NAALADL2: variants seen among roughly 807,000 people sequenced by gnomAD.
NAALADL2 encodes inactive N-acetylated-alpha-linked acidic dipeptidase-like protein 2.
NAALADL2 carries 76 observed loss-of-function variants against 87.2 expected under a neutral mutation model. The ratio of observed to expected loss-of-function variants is 0.87; its 90% CI spans 0.72 to 1.05. The LOEUF (loss-of-function observed/expected upper bound fraction) is 1.05. Among genes scored for constraint, NAALADL2 ranks in the 50% least tolerant of loss-of-function variants. NAALADL2 has a pLI of 0.00. For missense variants in NAALADL2, 1,089 were observed against 945.8 expected, an observed-to-expected ratio of 1.15 and a Z score of -1.99; for synonymous variants, 354 against 331.0, an observed-to-expected ratio of 1.07 and a Z score of -0.75.
chr3:174,521,793 A>G (rs1373430871), intron 1 of NAALADL2, among the ~76,000 whole-genome samples: 1 of 151,872 alleles, frequency 6.6e-6, no homozygotes, highest in Admixed American at 6.6e-5. Flanking sequence ...AGGGTGTAGA[A>G]GGAGAGGGGA....
At chr3:174,519,110 A>T (rs1191584874) in intron 1 of NAALADL2, among the ~76,000 whole-genome samples, 1 of 152,212 alleles carries the variant, frequency 6.6e-6, no homozygotes, top group Non-Finnish European at 1.5e-5. Flanking sequence ...GATATTAATG[A>T]GAGTTTTATT....
At chr3:175,180,707 C>T (rs956887401) in intron 2 of NAALADL2, among the ~76,000 whole-genome samples, 4 of 149,010 alleles carry the variant, frequency 2.7e-5, no homozygotes, top group African/African-American at 9.8e-5. Flanking sequence ...TCATAAATAT[C>T]ATTAGTTATT....
intron 3 of NAALADL2, among the ~76,000 whole-genome samples, chr3:175,239,702 A>C (rs1003441731): frequency 6.6e-6 from 1 of 152,204 alleles, no homozygotes; most frequent in African/African-American, 2.4e-5. Flanking sequence ...TTATGAAGAT[A>C]TGTGTCACTA....
At chr3:175,069,668 A>G (rs1022407860) in intron 1 of NAALADL2, among the ~76,000 whole-genome samples, 1 of 151,776 alleles carries the variant, frequency 6.6e-6, no homozygotes, top group Non-Finnish European at 1.5e-5. Flanking sequence ...CTGGGTATAT[A>G]CCCAAAGGAC....
At chr3:175,188,511 C>T (rs756569158) in intron 2 of NAALADL2, among the ~76,000 whole-genome samples, 8 of 152,062 alleles carry the variant, frequency 5.3e-5, no homozygotes, top group Non-Finnish European at 1.0e-4. Flanking sequence ...CCTTCTGGGG[C>T]CAAGCTAATG....
intron 1 of NAALADL2, among the ~76,000 whole-genome samples, chr3:174,862,996 C>T (rs6801386): frequency 0.31 from 47,453 of 151,960 alleles, 7,539 homozygotes; most frequent in East Asian, 0.42. Flanking sequence ...TAGATAGCAA[C>T]CAGCAGGAGA....
intron 2 of NAALADL2, among the ~76,000 whole-genome samples, chr3:175,159,212 AT>A (rs1311442961): frequency 1.3e-5 from 2 of 152,324 alleles, no homozygotes; most frequent in East Asian, 3.9e-4. Context: ...CAATGAAAAA[AT>A]CAGCCAATCA....
At chr3:175,780,383 G>A (rs1750883253) in intron 13 of NAALADL2, among the ~76,000 whole-genome samples, 1 of 151,982 alleles carries the variant, frequency 6.6e-6, no homozygotes, top group Middle Eastern at 3.4e-3. Flanking sequence ...AACAGTATGT[G>A]TATACGTATC....
At chr3:175,563,460 C>T (rs1467565224) in intron 9 of NAALADL2, among the ~76,000 whole-genome samples, 2 of 152,172 alleles carry the variant, frequency 1.3e-5, no homozygotes, top group African/African-American at 4.8e-5. Context: ...CTTCAAACTT[C>T]CTGCACTTTG....
At chr3:175,574,492 A>G (rs577209343) in intron 9 of NAALADL2, among the ~76,000 whole-genome samples, 3 of 152,130 alleles carry the variant, frequency 2.0e-5, no homozygotes, top group Non-Finnish European at 4.4e-5. Context: ...CTATGCCCCA[A>G]ACGAGAACTC....
At chr3:175,743,050 C>A (rs972099380) in intron 12 of NAALADL2, among the ~76,000 whole-genome samples, 6 of 151,320 alleles carry the variant, frequency 4.0e-5, no homozygotes, top group African/African-American at 4.9e-5. Context: ...GGCTGGAGTG[C>A]AGTGGTGCTG....
chr3:175,803,242 C>T lies in NAALADL2; in HGVS notation c.*39C>T, dbSNP rs1261657295. The T allele has an allele frequency of 1.4e-6, 2 of 1,479,526 alleles. No individual in the cohort carries two copies. Among genetic ancestry groups the T allele is most frequent in the African/African-American group, 2.8e-5 (2 of 71,650 alleles). The allele number at this position is 1,479,526 out of a possible 1,614,324, so 91.6% of individuals were successfully genotyped here. A position where few individuals can be genotyped will look rare whatever the true frequency, so the allele number is the denominator to read the frequency against. ...ATTTTTAAAAGTTTGTTTACAATTCCACAAGCAAAAGCTCTAATTTAACCA... is the reference window on the plus strand; with the variant it reads ...ATTTTTAAAAGTTTGTTTACAATTCTACAAGCAAAAGCTCTAATTTAACCA... On this transcript the variant is annotated 3_prime_UTR_variant, in exon 14 of 14. Transcript: ENST00000454872.
intron 2 of NAALADL2, among the ~76,000 whole-genome samples, chr3:174,583,683 T>C (rs563429839): frequency 2.6e-4 from 40 of 152,300 alleles, no homozygotes; most frequent in African/African-American, 9.4e-4. Context: ...GTTGTTTCTT[T>C]TCCTCTCCTT....
At chr3:175,713,648 C>T (rs1163551312) in intron 11 of NAALADL2, among the ~76,000 whole-genome samples, 1 of 152,112 alleles carries the variant, frequency 6.6e-6, no homozygotes, top group Non-Finnish European at 1.5e-5. Flanking sequence ...TTCTATCATT[C>T]TATTCAGATC....
chr3:175,449,287 C>T (rs182825507), intron 6 of NAALADL2, among the ~76,000 whole-genome samples: 14 of 152,038 alleles, frequency 9.2e-5, no homozygotes, highest in Middle Eastern at 3.4e-3. Flanking sequence ...ACTATGTTGC[C>T]AGGGCTAGTC....
At chr3:175,708,414 T>C (rs949288575) in intron 11 of NAALADL2, among the ~76,000 whole-genome samples, 1 of 151,874 alleles carries the variant, frequency 6.6e-6, no homozygotes, top group African/African-American at 2.4e-5. Flanking sequence ...CAGATTAGAG[T>C]AGTGGCAGAA....
At chr3:175,282,223 G>A (rs998415063) in intron 4 of NAALADL2, among the ~76,000 whole-genome samples, 3 of 151,984 alleles carry the variant, frequency 2.0e-5, no homozygotes, top group African/African-American at 4.8e-5. Context: ...CCTGACTTAT[G>A]TATCTACAAT....
chr3:175,480,478 G>T (rs1178799432), intron 9 of NAALADL2, among the ~76,000 whole-genome samples: 1 of 151,808 alleles, frequency 6.6e-6, no homozygotes, highest in Admixed American at 6.6e-5. Context: ...ATGTAGTGAG[G>T]TTTAGGGAGA....
intron 3 of NAALADL2, among the ~76,000 whole-genome samples, chr3:174,787,608 T>TACATATATATATATATACAC (rs1284867078): frequency 3.4e-4 from 37 of 109,336 alleles, no homozygotes; most frequent in East Asian, 7.7e-4. Context: ...TATATATATA[T>TACATATATATATATATACAC]ATATATATAT....
Sources: gnomAD v4.1 joint callset for allele counts (sites outside exome capture counted in the v4.1 genomes callset) on GRCh38, gnomAD v4.1.1 for gene constraint, MANE v1.5 for transcripts, NCBI Gene and HGNC (gene_info 2026-07-23, HGNC 2026-07-21) for gene names.